Variants in GGTA1 observed in about 807,000 individuals in gnomAD.
The protein encoded by GGTA1 is inactive N-acetyllactosaminide alpha-1,3-galactosyltransferase.
In GGTA1, 5 loss-of-function variants were observed where a neutral mutation model predicts 2.6. That is an observed-to-expected ratio of 1.92 (90% confidence interval 1.00 to 4.04). The LOEUF is 4.04. Ranked by LOEUF, GGTA1 falls within the 30% of genes most tolerant of loss-of-function variation. The pLI is 0.00. For missense variants in GGTA1, 50 were observed against 16.7 expected (o/e 2.99, Z -3.47); for synonymous variants, 17 against 5.0 (o/e 3.38, Z -3.19).
At chr9:121,485,189 GGGTCTGCC>G (rs1286309177) in intron 1 of GGTA1, among the ~76,000 whole-genome samples, 19 of 152,232 alleles carry the variant, frequency 1.2e-4, no homozygotes, top group Admixed American at 9.8e-4. Flanking sequence ...GGCAGCCAAC[GGGTCTGCC>G]TGCCAGGGTG....
At chr9:121,450,401 T>A (rs771657659), downstream of GGTA1, among the ~76,000 whole-genome samples, 1 of 152,194 alleles carries the variant, frequency 6.6e-6, no homozygotes, top group Non-Finnish European at 1.5e-5. Context: ...ATTAAAGCAC[T>A]GCAGTTGGCT....
intron 1 of GGTA1, among the ~76,000 whole-genome samples, chr9:121,481,637 G>A (rs1828651707): frequency 7.7e-6 from 1 of 129,878 alleles, no homozygotes; most frequent in Non-Finnish European, 1.6e-5. Context: ...AGCCAAGATT[G>A]CGCCACTGCT....
chr9:121,498,689 A>G (rs1014270180), intron 1 of GGTA1, among the ~76,000 whole-genome samples: 1 of 152,116 alleles, frequency 6.6e-6, no homozygotes, highest in African/African-American at 2.4e-5. Context: ...CGGCCTGCTC[A>G]GGAGCCCGAA....
rs988354309 is a variant in GGTA1, at chr9:121,466,620, C to T, written c.80+1223G>A. 3.9e-5 allele frequency among the ~76,000 whole-genome samples: 6 copies of T among 152,156 alleles called. No individual in the cohort carries two copies. In the South Asian group the frequency reaches 1.0e-3, roughly 26 times the overall value. On this transcript the variant is annotated intron_variant, in intron 2 of 5. Transcript: ENST00000481799. ...AAAGGCACGGTTCCATTTTTAGTAACCAAGACAGTCCTCCTAGATCATCAA... is the reference window on the plus strand; with the variant it reads ...AAAGGCACGGTTCCATTTTTAGTAATCAAGACAGTCCTCCTAGATCATCAA...
intron 1 of GGTA1, among the ~76,000 whole-genome samples, chr9:121,469,117 C>A (rs999950497): frequency 6.6e-6 from 1 of 152,162 alleles, no homozygotes; most frequent in Non-Finnish European, 1.5e-5. Context: ...CTGCGTGAAA[C>A]TGCTTAAAAA....
intron 1 of GGTA1, among the ~76,000 whole-genome samples, chr9:121,496,040 T>C (rs1828985818): frequency 6.6e-6 from 1 of 152,238 alleles, no homozygotes; most frequent in Non-Finnish European, 1.5e-5. Context: ...AAATCCCAGT[T>C]GACCCATAGA....
chr9:121,490,368 C>T lies in GGTA1; in HGVS notation c.-10+9282G>A, dbSNP rs915346035. ...ATGGCCATACCACTCTGAATGCACC[C>T]GATCTCATCTGAAACCTCCCCAGAA... On this transcript the variant is annotated intron_variant, in intron 1 of 5. Coordinates refer to ENST00000481799, the MANE Select transcript of GGTA1 (RefSeq NM_001382585.1). Among the ~76,000 whole-genome samples, 20 of 152,288 alleles carry T rather than the reference C, an allele frequency of 1.3e-4. 1 individual carries two copies. Among genetic ancestry groups the T allele is most frequent in the African/African-American group, 3.6e-4 (15 of 41,562 alleles).
intron 1 of GGTA1, among the ~76,000 whole-genome samples, chr9:121,475,375 C>G (rs1238433343): frequency 6.6e-6 from 1 of 152,218 alleles, no homozygotes; most frequent in Admixed American, 6.5e-5. Flanking sequence ...AACCAGCAGT[C>G]CTCAGGGCTG....
At chr9:121,478,869 A>G (rs1205103808) in intron 1 of GGTA1, among the ~76,000 whole-genome samples, 1 of 152,112 alleles carries the variant, frequency 6.6e-6, no homozygotes, top group Non-Finnish European at 1.5e-5. Context: ...TTTCCCAGAG[A>G]ACCAAAGTAA....
rs577454419 is a variant in GGTA1, at chr9:121,458,488, G to A, written c.298+1616C>T. ...CAAAAAATACAAAAATTAGCCAGGCGTGGTGGCGCATGCCTGTAGTCCCAG... is the reference window on the plus strand; with the variant it reads ...CAAAAAATACAAAAATTAGCCAGGCATGGTGGCGCATGCCTGTAGTCCCAG... On this transcript the variant is annotated intron_variant, in intron 5 of 5. Coordinates refer to ENST00000481799, the MANE Select transcript of GGTA1 (RefSeq NM_001382585.1). Among the ~76,000 whole-genome samples, 10 of 151,922 alleles carry A rather than the reference G, an allele frequency of 6.6e-5. No homozygotes were observed. The East Asian group carries it at 9.9e-4, about 15-fold the overall frequency.
chr9:121,468,469 G>T (rs1828305620), intron 1 of GGTA1, among the ~76,000 whole-genome samples: 1 of 152,148 alleles, frequency 6.6e-6, no homozygotes, highest in Non-Finnish European at 1.5e-5. Context: ...GAATAGTGCT[G>T]CAATAAACAC....
intron 1 of GGTA1, among the ~76,000 whole-genome samples, chr9:121,495,144 T>G (rs1372069754): frequency 6.6e-6 from 1 of 151,400 alleles, no homozygotes; most frequent in Non-Finnish European, 1.5e-5. Context: ...GGTCTCGAAC[T>G]CCCGACCTCA....
rs200087202 is a variant in GGTA1, at chr9:121,463,262, C to A, written c.116+31G>T. 1,521 of 452,684 alleles carry A rather than the reference C, an allele frequency of 3.4e-3. 10 individuals carry two copies. The highest frequency in any genetic ancestry group is 3.6e-3 in the Non-Finnish European group (806 of 225,336). The allele number at this position is 452,684 out of a possible 1,614,324, so 28.0% of individuals were successfully genotyped here. ...GTGCCAGAGTGGCTGTGGGAAACAT[C>A]CCCTAGAAATCTAGAATTCAAAGCA... On this transcript the variant is annotated intron_variant, in intron 3 of 5. Transcript: ENST00000481799.
chr9:121,480,260 G>T (rs936579477), intron 1 of GGTA1, among the ~76,000 whole-genome samples: 2 of 151,862 alleles, frequency 1.3e-5, no homozygotes, highest in Non-Finnish European at 2.9e-5. Context: ...GTTTCACCAC[G>T]TTGGCCAGGA....
At chr9:121,448,263 C>A (rs987185513) in intron 7 of GGTA1, among the ~76,000 whole-genome samples, 1 of 152,126 alleles carries the variant, frequency 6.6e-6, no homozygotes, top group African/African-American at 2.4e-5. Flanking sequence ...CTAACATAAA[C>A]CCCAATGTTG....
chr9:121,471,742 A>G (rs1274504035), intron 1 of GGTA1, among the ~76,000 whole-genome samples: 1 of 152,140 alleles, frequency 6.6e-6, no homozygotes, highest in Non-Finnish European at 1.5e-5. Context: ...CTTCCCTCTA[A>G]GTACCATATG....
intron 5 of GGTA1, among the ~76,000 whole-genome samples, chr9:121,459,808 C>A (rs1013727286): frequency 1.3e-5 from 2 of 152,228 alleles, no homozygotes; most frequent in Admixed American, 6.5e-5. Context: ...ACAGTAACGA[C>A]CCCTGTGAGA....
intron 1 of GGTA1, among the ~76,000 whole-genome samples, chr9:121,477,002 G>A (rs1828523210): frequency 2.0e-5 from 3 of 152,200 alleles, no homozygotes; most frequent in African/African-American, 7.2e-5. Flanking sequence ...CTCCTCCTTT[G>A]GCCTCAAGAA....
chr9:121,482,662 A>C (rs549105450), intron 1 of GGTA1, among the ~76,000 whole-genome samples: 3 of 152,208 alleles, frequency 2.0e-5, no homozygotes, highest in African/African-American at 7.2e-5. Flanking sequence ...CCAGCTACTC[A>C]GGAGGCTGAG....
Sources: gnomAD v4.1 joint callset for allele counts (sites outside exome capture counted in the v4.1 genomes callset) on GRCh38, gnomAD v4.1.1 for gene constraint, MANE v1.5 for transcripts, NCBI Gene and HGNC (gene_info 2026-07-23, HGNC 2026-07-21) for gene names.